MDGA2: variants seen among roughly 807,000 people sequenced by gnomAD.
MDGA2 encodes MAM domain-containing glycosylphosphatidylinositol anchor protein 2.
MDGA2 carries 40 observed loss-of-function variants against 117.8 expected under a neutral mutation model. The observed-to-expected ratio is 0.34, with a 90% CI of 0.26 to 0.44. The LOEUF is 0.44. Among genes scored for constraint, MDGA2 ranks in the 20% least tolerant of loss-of-function variants. The pLI, the probability that MDGA2 is intolerant of heterozygous loss-of-function variation, is 1.00. For missense variants in MDGA2, 1,123 were observed against 1,250.6 expected, an observed-to-expected ratio of 0.90 and a Z score of 1.54; for synonymous variants, 452 against 439.0, an observed-to-expected ratio of 1.03 and a Z score of -0.37.
chr14:47,009,236 G>C (rs199858819), intron 8 of MDGA2, among the ~76,000 whole-genome samples: 1 of 151,856 alleles, frequency 6.6e-6, no homozygotes, highest in East Asian at 1.9e-4. Flanking sequence ...CTACTCTCTG[G>C]AATAAACATT....
intron 7 of MDGA2, among the ~76,000 whole-genome samples, chr14:47,051,433 C>G (rs1041922563): frequency 6.6e-6 from 1 of 151,862 alleles, no homozygotes; most frequent in Non-Finnish European, 1.5e-5. Context: ...AACCCAAATT[C>G]AAGTTTTTCT....
chr14:47,492,253 G>T (rs1169544470), intron 1 of MDGA2, among the ~76,000 whole-genome samples: 1 of 152,046 alleles, frequency 6.6e-6, no homozygotes, highest in African/African-American at 2.4e-5. Flanking sequence ...TATCAAATTT[G>T]CCATGGTTTT....
chr14:46,916,684 C>T (rs1299722822), intron 10 of MDGA2, among the ~76,000 whole-genome samples: 1 of 152,030 alleles, frequency 6.6e-6, no homozygotes, highest in East Asian at 1.9e-4. Flanking sequence ...TCCTTCTCTT[C>T]TTACACCCCA....
chr14:47,061,287 G>T lies in MDGA2; in HGVS notation c.1487C>A (p.Ser496Tyr), dbSNP rs760643163. ...TATATTAACATCGATACTGATATCA[G>T]ATATTCCTCCTCCCTTCAGAGATGC... ...CVASLKGGGI[S>Y]DISIDVNISS... The change falls in exon 7 of 17, where the codon TCT becomes TAT. Residue 496 changes from serine (S) to tyrosine (Y), a missense_variant. By Grantham distance (144) the Ser-to-Tyr change is moderately radical. This residue lies in a region of MDGA2 where 890 missense variants were observed against 1,050.3 expected (regional missense o/e 0.85). Coordinates refer to ENST00000399232, the MANE Select transcript of MDGA2 (RefSeq NM_001113498.3). 5.0e-6 allele frequency: 8 copies of T among 1,613,288 alleles called. No individual in the cohort carries two copies. The highest frequency in any genetic ancestry group is 6.8e-6 in the Non-Finnish European group (8 of 1,179,506).
At chr14:47,213,585 T>C (rs1885964824) in intron 3 of MDGA2, among the ~76,000 whole-genome samples, 2 of 150,652 alleles carry the variant, frequency 1.3e-5, no homozygotes. Context: ...CTAATTTTCT[T>C]ATCTTCTTAC....
At chr14:47,467,121 CA>C (rs1893620548) in intron 1 of MDGA2, among the ~76,000 whole-genome samples, 2 of 151,896 alleles carry the variant, frequency 1.3e-5, no homozygotes, top group Admixed American at 1.3e-4. Context: ...ACTCTCTCAA[CA>C]AAAGTCACAA....
chr14:47,177,378 A>G (rs1001574015), intron 3 of MDGA2, among the ~76,000 whole-genome samples: 6 of 152,310 alleles, frequency 3.9e-5, no homozygotes, highest in African/African-American at 1.4e-4. Flanking sequence ...ACTATTCACA[A>G]TAGCAAAGAC....
chr14:47,607,153 T>C (rs1394726760), intron 1 of MDGA2, among the ~76,000 whole-genome samples: 1 of 152,160 alleles, frequency 6.6e-6, no homozygotes, highest in East Asian at 1.9e-4. Context: ...GGTTCTCTAT[T>C]ATATTGCACA....
chr14:47,555,490 T>C (rs1038085726), intron 1 of MDGA2, among the ~76,000 whole-genome samples: 1 of 152,182 alleles, frequency 6.6e-6, no homozygotes, highest in Non-Finnish European at 1.5e-5. Context: ...TACTCAGTGT[T>C]GTCATTAAGT....
intron 3 of MDGA2, among the ~76,000 whole-genome samples, chr14:47,204,066 T>C (rs113366430): frequency 6.6e-6 from 1 of 151,958 alleles, no homozygotes; most frequent in African/African-American, 2.4e-5. Flanking sequence ...ATATACACAG[T>C]GAACATTTTG....
intron 14 of MDGA2, among the ~76,000 whole-genome samples, chr14:46,862,226 T>G: frequency 6.6e-6 from 1 of 151,798 alleles, no homozygotes; most frequent in Non-Finnish European, 1.5e-5. Flanking sequence ...TCTCATCTTT[T>G]GGTCACCACT....
At chr14:47,559,507 T>G (rs1895753364) in intron 1 of MDGA2, among the ~76,000 whole-genome samples, 1 of 152,206 alleles carries the variant, frequency 6.6e-6, no homozygotes, top group African/African-American at 2.4e-5. Context: ...GCATTTGGGT[T>G]AATCTCGTGT....
intron 1 of MDGA2, among the ~76,000 whole-genome samples, chr14:47,375,137 A>G (rs1891449294): frequency 6.6e-6 from 1 of 151,392 alleles, no homozygotes; most frequent in Non-Finnish European, 1.5e-5. Flanking sequence ...TCTACTTCCT[A>G]GTTCTTCAGA....
intron 9 of MDGA2, among the ~76,000 whole-genome samples, chr14:46,943,818 T>C (rs930392780): frequency 1.8e-4 from 28 of 152,250 alleles, no homozygotes; most frequent in Middle Eastern, 3.4e-3. Flanking sequence ...CAGTAAATAT[T>C]CTTGGCTTGA....
intron 2 of MDGA2, among the ~76,000 whole-genome samples, chr14:47,220,534 G>T (rs1217687194): frequency 1.3e-5 from 2 of 152,146 alleles, no homozygotes; most frequent in Non-Finnish European, 2.9e-5. Context: ...ACAGTGGGCC[G>T]ATTTGAAACA....
At chr14:47,168,660 A>G (rs1267792949) in intron 3 of MDGA2, among the ~76,000 whole-genome samples, 5 of 152,152 alleles carry the variant, frequency 3.3e-5, no homozygotes, top group African/African-American at 1.2e-4. Flanking sequence ...GATAAGCTGA[A>G]TGTGCTAAGT....
chr14:47,525,627 G>T (rs950991135), intron 1 of MDGA2, among the ~76,000 whole-genome samples: 3 of 152,000 alleles, frequency 2.0e-5, no homozygotes, highest in African/African-American at 7.3e-5. Flanking sequence ...AGAGGTTGCG[G>T]TGAACCGAGA....
intron 1 of MDGA2, among the ~76,000 whole-genome samples, chr14:47,653,843 G>C (rs1897691212): frequency 6.6e-6 from 1 of 152,128 alleles, no homozygotes; most frequent in South Asian, 2.1e-4. Context: ...GAACAAACAG[G>C]CCACAAGCCA....
chr14:46,852,086 C>G (rs909722018), intron 15 of MDGA2, among the ~76,000 whole-genome samples: 2 of 151,580 alleles, frequency 1.3e-5, no homozygotes, highest in Non-Finnish European at 2.9e-5. Flanking sequence ...AATGAAAGAG[C>G]GTCGATCAAA....
Sources: gnomAD v4.1 joint callset for allele counts (sites outside exome capture counted in the v4.1 genomes callset) on GRCh38, gnomAD v4.1.1 for gene constraint, gnomAD v4.1.1 regional missense constraint, MANE v1.5 for transcripts, NCBI Gene and HGNC (gene_info 2026-07-23, HGNC 2026-07-21) for gene names.